CLTRN: variants seen among roughly 807,000 people sequenced by gnomAD.
CLTRN encodes the protein collectrin, amino acid transport regulator.
CLTRN carries 12 observed loss-of-function variants against 14.5 expected under a neutral mutation model. That is an observed-to-expected ratio of 0.83 (90% CI 0.53 to 1.34). The LOEUF (loss-of-function observed/expected upper bound fraction) is 1.34, where lower values mean the gene tolerates loss of function less well. Among genes scored for constraint, CLTRN ranks in the 40% most tolerant of loss-of-function variants. CLTRN has a pLI of 0.00. For missense variants in CLTRN, 154 were observed against 165.1 expected, an observed-to-expected ratio of 0.93 and a Z score of 0.37; for synonymous variants, 58 against 56.5, an observed-to-expected ratio of 1.03 and a Z score of -0.12.
upstream of CLTRN, among the ~76,000 whole-genome samples, chrX:15,667,487 T>C (rs1335502465): frequency 2.7e-5 from 3 of 112,241 alleles, no homozygotes; most frequent in Non-Finnish European, 5.6e-5. Context: ...AGAAATTCTT[T>C]TTAGAAAATA....
At chrX:15,661,695 C>T (rs1256143905) in intron 2 of CLTRN, among the ~76,000 whole-genome samples, 1 of 111,925 alleles carries the variant, frequency 8.9e-6, no homozygotes, top group African/African-American at 3.2e-5. Flanking sequence ...AGGGTAAATA[C>T]CCCCAAAAAA....
intron 1 of CLTRN, among the ~76,000 whole-genome samples, chrX:15,671,883 C>CAA (rs1555985300): frequency 1.8e-5 from 1 of 56,960 alleles, no homozygotes; most frequent in South Asian, 6.4e-4. Context: ...CACACACACA[C>CAA]AATTTCCAGT....
At chrX:15,661,917 G>C (rs1235220157) in intron 2 of CLTRN, among the ~76,000 whole-genome samples, 1 of 111,929 alleles carries the variant, frequency 8.9e-6, no homozygotes, top group Non-Finnish European at 1.9e-5. Flanking sequence ...ACATGTGCCA[G>C]GACCTTAAAT....
At chrX:15,659,214 G>A (rs201348269) in intron 2 of CLTRN, 113 bp from the exon 3 acceptor site, 238 of 242,609 alleles carry the variant, frequency 9.8e-4, no homozygotes, top group Middle Eastern at 3.8e-3. Context: ...ACACACACAC[G>A]CACACACACA....
intron 1 of CLTRN, among the ~76,000 whole-genome samples, chrX:15,671,232 A>G (rs1929713276): frequency 8.9e-6 from 1 of 112,210 alleles, no homozygotes; most frequent in South Asian, 3.6e-4. Flanking sequence ...GAGGATAAAA[A>G]GTTACTGGAT....
chrX:15,637,027 G>A (rs942991422), intron 5 of CLTRN, among the ~76,000 whole-genome samples: 3 of 111,301 alleles, frequency 2.7e-5, no homozygotes, highest in African/African-American at 6.5e-5. Context: ...TAACAGAATT[G>A]TTAAAGCTTT....
chrX:15,643,952 T>G (rs1001591302), intron 4 of CLTRN, among the ~76,000 whole-genome samples: 2 of 111,988 alleles, frequency 1.8e-5, no homozygotes. Flanking sequence ...CTGAGCTCAT[T>G]TTTTGAGTAT....
chrX:15,645,051 A>C (rs1391821013), intron 3 of CLTRN, 22 bp from the exon 4 acceptor site: 1 of 997,841 alleles, frequency 1.0e-6, no homozygotes, highest in Admixed American at 2.3e-5. Flanking sequence ...GGAAAGAAAA[A>C]ATACATGAGA....
intron 3 of CLTRN, among the ~76,000 whole-genome samples, chrX:15,657,877 G>C (rs1237782373): frequency 9.0e-6 from 1 of 111,667 alleles, no homozygotes; most frequent in Non-Finnish European, 1.9e-5. Flanking sequence ...ATATACATGT[G>C]TGTATACACA....
In CLTRN at chrX:15,646,446, A is replaced by G. The variant is rs192611572; in HGVS notation, c.204-1417T>C. 3,063 of 319,999 alleles carry G rather than the reference A, an allele frequency of 9.6e-3. 91 individuals carry two copies. The highest frequency in any genetic ancestry group is 0.077 in the African/African-American group (2,740 of 35,449). The allele number at this position is 319,999 out of a possible 1,213,427, so 26.4% of individuals were successfully genotyped here. On this transcript the variant is annotated intron_variant, in intron 3 of 5. Transcript: ENST00000380342. Reference sequence around the variant, plus strand: ...CGGCTTCCTGGGCTGGCTCTGGGCCAGAAAACCGCGCACCCACCCCCCCGC... The same window carrying G: ...CGGCTTCCTGGGCTGGCTCTGGGCCGGAAAACCGCGCACCCACCCCCCCGC...
upstream of CLTRN, chrX:15,665,005 T>G: frequency 2.6e-6 from 1 of 386,785 alleles, no homozygotes; most frequent in Non-Finnish European, 4.6e-6. Context: ...ATTAGTTGTT[T>G]TCCCTACTCT....
Position 15,660,369 on chromosome X carries a change from G to A in CLTRN, c.118-1268C>T, listed in dbSNP as rs887669986. Among the ~76,000 whole-genome samples the A allele has an allele frequency of 3.6e-5, 4 of 110,861 alleles. No homozygotes were observed. The Admixed American group carries it at 3.8e-4, about 11-fold the overall frequency. Reference sequence around the variant, plus strand: ...GGGGTCTTGCTGTGCTGTCCAGGCTGGTCTCAAATGTGTGGCCTTAAGTGA... The same window carrying A: ...GGGGTCTTGCTGTGCTGTCCAGGCTAGTCTCAAATGTGTGGCCTTAAGTGA... On this transcript the variant is annotated intron_variant, in intron 2 of 5. Transcript: ENST00000380342.
At chrX:15,660,219 A>G (rs1361799922) in intron 2 of CLTRN, among the ~76,000 whole-genome samples, 1 of 111,875 alleles carries the variant, frequency 8.9e-6, no homozygotes, top group African/African-American at 3.3e-5. Flanking sequence ...TGACTCCTAA[A>G]TAACAACAAC....
chrX:15,648,308 C>A (rs951252295), intron 3 of CLTRN, among the ~76,000 whole-genome samples: 66 of 111,743 alleles, frequency 5.9e-4, no homozygotes, highest in Non-Finnish European at 7.7e-4. Context: ...AACATCAGTA[C>A]GATCAGGCCA....
upstream of CLTRN, among the ~76,000 whole-genome samples, chrX:15,669,039 A>T (rs1390213789): frequency 3.6e-5 from 4 of 111,998 alleles, no homozygotes; most frequent in Non-Finnish European, 5.6e-5. Flanking sequence ...AAGATCTTGG[A>T]CATAATTTGC....
Position 15,627,994 on chromosome X carries a change from C to T in CLTRN, c.646G>A (p.Asp216Asn), listed in dbSNP as rs2147192747. The T allele has an allele frequency of 9.5e-7, 1 of 1,049,918 alleles. No individual in the cohort carries two copies. The highest frequency in any genetic ancestry group is 3.5e-5 in the East Asian group (1 of 28,343). The allele number at this position is 1,049,918 out of a possible 1,213,427, so 86.5% of individuals were successfully genotyped here. ...GHINDAFMTE[D>N]ERLTPL ...CTTCAGAGAGGGGTGAGCCTCTCAT[C>T]CTCTGTCATGAAGGCATCATTAATA... The change falls in exon 6 of 6, where the codon GAT (aspartate) becomes AAT (asparagine). Residue 216 changes from aspartate to asparagine, a missense_variant. Coordinates refer to ENST00000380342, the MANE Select transcript of CLTRN (RefSeq NM_020665.6).
At chrX:15,653,576 C>T (rs1418145091) in intron 3 of CLTRN, among the ~76,000 whole-genome samples, 1 of 111,390 alleles carries the variant, frequency 9.0e-6, no homozygotes, top group Non-Finnish European at 1.9e-5. Flanking sequence ...CCATTTTCCT[C>T]ATTAGCGTTC....
In CLTRN at chrX:15,673,088, T is replaced by C. The variant is rs1403584593; in HGVS notation, c.-506+1901A>G. Among the ~76,000 whole-genome samples, 3 of 112,478 alleles carry C rather than the reference T, an allele frequency of 2.7e-5. No homozygotes were observed. The Admixed American group carries it at 2.8e-4, about 11-fold the overall frequency. On this transcript the variant is annotated intron_variant, in intron 1 of 6. Coordinates refer to the CLTRN transcript ENST00000650271. Reference sequence around the variant, plus strand: ...GGGTGTAACAACTTATGACACTTATTTCCCACGTAGCTCACAGCGTCATCA... The same window carrying C: ...GGGTGTAACAACTTATGACACTTATCTCCCACGTAGCTCACAGCGTCATCA...
chrX:15,628,903 T>C (rs932172261), intron 5 of CLTRN, among the ~76,000 whole-genome samples: 2 of 112,227 alleles, frequency 1.8e-5, no homozygotes, highest in Non-Finnish European at 3.8e-5. Context: ...TATGCAGATC[T>C]GTAATATTTC....
Sources: allele counts gnomAD v4.1 joint callset (sites outside exome capture counted in the v4.1 genomes callset), GRCh38; gene constraint gnomAD v4.1.1; transcripts MANE v1.5; gene names NCBI Gene and HGNC (gene_info 2026-07-23, HGNC 2026-07-21).